Variants in UPRT observed in about 807,000 individuals in gnomAD.
The protein encoded by UPRT is uracil phosphoribosyltransferase homolog, also known as RP11-311P8.3.
Under a neutral mutation model 22.6 loss-of-function variants are expected in UPRT, and 5 were observed. The ratio of observed to expected loss-of-function variants is 0.22; its 90% CI spans 0.12 to 0.47. The LOEUF is 0.47. UPRT is among the 20% of genes least tolerant of loss of function. The pLI is 0.99. For missense variants in UPRT, 181 were observed against 239.9 expected (o/e 0.75, Z 1.62); for synonymous variants, 77 against 87.7 (o/e 0.88, Z 0.68).
intron 4 of UPRT, among the ~76,000 whole-genome samples, chrX:75,249,438 C>T (rs1210955626): frequency 9.0e-6 from 1 of 111,311 alleles, no homozygotes; most frequent in Non-Finnish European, 1.9e-5. Context: ...GATTTTAAAC[C>T]AACAAAGATC....
At chrX:75,195,613 C>G (rs926410323) in intron 4 of UPRT, among the ~76,000 whole-genome samples, 122 of 112,157 alleles carry the variant, frequency 1.1e-3, no homozygotes, top group African/African-American at 3.3e-3. Flanking sequence ...TGCCAGTAAT[C>G]CAGAGGCCTA....
chrX:75,232,643 G>GC (rs2082442851), intron 4 of UPRT, among the ~76,000 whole-genome samples: 2 of 112,254 alleles, frequency 1.8e-5, no homozygotes, highest in Non-Finnish European at 3.8e-5. Flanking sequence ...TCCCCAAGCA[G>GC]CCTAACTGGG....
At chrX:75,302,297 T>A (rs1163481051) in intron 6 of UPRT, among the ~76,000 whole-genome samples, 1 of 111,861 alleles carries the variant, frequency 8.9e-6, no homozygotes, top group Non-Finnish European at 1.9e-5. Flanking sequence ...TTGAAAATAT[T>A]GAGAGAATCC....
intron 4 of UPRT, among the ~76,000 whole-genome samples, chrX:75,183,171 C>T (rs937216324): frequency 9.1e-6 from 1 of 110,254 alleles, no homozygotes; most frequent in East Asian, 2.9e-4. Flanking sequence ...ATCCATCCCC[C>T]CTCCCCGCAC....
chrX:75,216,506 G>A (rs938772256), intron 4 of UPRT, among the ~76,000 whole-genome samples: 6 of 112,430 alleles, frequency 5.3e-5, no homozygotes, highest in Non-Finnish European at 7.5e-5. Context: ...GGTGCTGGTG[G>A]TAGCAGCCAG....
At chrX:75,262,148 G>T (rs185038643) in intron 4 of UPRT, among the ~76,000 whole-genome samples, 13 of 111,567 alleles carry the variant, frequency 1.2e-4, no homozygotes, top group Non-Finnish European at 2.1e-4. Context: ...TTAAAGAAAA[G>T]AATTTTCAAC....
In UPRT at chrX:75,236,877, A is replaced by G. The variant is rs190870285; in HGVS notation, c.-446-54147A>G. Among the ~76,000 whole-genome samples, 402 of 112,555 alleles carry G rather than the reference A, an allele frequency of 3.6e-3. 3 individuals are homozygous for G. The highest frequency in any genetic ancestry group is 0.012 in the African/African-American group (380 of 31,009). On this transcript the variant is annotated intron_variant, in intron 4 of 13. Transcript: ENST00000652605. ...GAAAACCTAGGCATTACCATTCAGG[A>G]CATAGGCATGGCAAGGACTTCATGT...
intron 4 of UPRT, among the ~76,000 whole-genome samples, chrX:75,173,088 T>C (rs1366622143): frequency 1.8e-5 from 2 of 111,348 alleles, no homozygotes; most frequent in African/African-American, 6.5e-5. Flanking sequence ...TACAAAGGTT[T>C]TCCATGTCCT....
In UPRT at chrX:75,274,419, C is replaced by T; in HGVS notation, c.165C>T (p.Tyr55=). Residue 55 remains tyrosine, a synonymous_variant, in exon 1 of 7, where the codon TAC becomes TAT. Coordinates refer to ENST00000373383, the MANE Select transcript of UPRT (RefSeq NM_145052.4). ...CCAAGGTGATTCTCCTCACGGGGTACGCCCATTCTAGCCTGCCGGCCGAGC... is the reference window on the plus strand; with the variant it reads ...CCAAGGTGATTCTCCTCACGGGGTATGCCCATTCTAGCCTGCCGGCCGAGC... The part of the protein sequence containing the change: ...SRAKVILLTG[Y]AHSSLPAELD... 1 of 1,211,348 alleles carries T rather than the reference C, an allele frequency of 8.3e-7. No homozygotes were observed.
chrX:75,260,139 C>T (rs1029466422), intron 4 of UPRT, among the ~76,000 whole-genome samples: 3 of 111,836 alleles, frequency 2.7e-5, no homozygotes, highest in Non-Finnish European at 3.8e-5. Context: ...CGGGTACCAG[C>T]CACTGCAAAA....
chrX:75,172,313 A>G (rs910313290), intron 4 of UPRT, among the ~76,000 whole-genome samples: 5 of 111,143 alleles, frequency 4.5e-5, no homozygotes, highest in African/African-American at 1.6e-4. Context: ...TTATGTTCCC[A>G]GGAGGATTAT....
At chrX:75,271,439 C>G (rs920981394), upstream of UPRT, among the ~76,000 whole-genome samples, 1 of 111,707 alleles carries the variant, frequency 9.0e-6, no homozygotes, top group East Asian at 2.8e-4. Context: ...ATTGGCTAAC[C>G]ACATGTAGGA....
chrX:75,250,589 AGT>A (rs2082525600), intron 4 of UPRT, among the ~76,000 whole-genome samples: 1 of 111,200 alleles, frequency 9.0e-6, no homozygotes, highest in African/African-American at 3.3e-5. Context: ...AACCAAAACA[AGT>A]CCAGGACCAG....
At chrX:75,172,624 G>C (rs1246667686) in intron 4 of UPRT, among the ~76,000 whole-genome samples, 1 of 111,564 alleles carries the variant, frequency 9.0e-6, no homozygotes. Flanking sequence ...CTCTTAAGGT[G>C]GTGCCTCTGG....
At chrX:75,235,872 C>G (rs1468249166) in intron 4 of UPRT, among the ~76,000 whole-genome samples, 38 of 111,813 alleles carry the variant, frequency 3.4e-4, no homozygotes, top group African/African-American at 1.1e-3. Flanking sequence ...GAAGCATTCC[C>G]TTTGAAAACT....
At chrX:75,290,291 A>T (rs1382963871) in intron 1 of UPRT, among the ~76,000 whole-genome samples, 3 of 111,214 alleles carry the variant, frequency 2.7e-5, no homozygotes, top group Non-Finnish European at 5.6e-5. Flanking sequence ...ATTATTAAAA[A>T]GTCAAAAAAC....
intron 4 of UPRT, among the ~76,000 whole-genome samples, chrX:75,205,970 C>T (rs2082365211): frequency 9.0e-6 from 1 of 111,495 alleles, no homozygotes; most frequent in African/African-American, 3.3e-5. Context: ...AAGTCCAGAC[C>T]ATGTTAACCT....
rs975261489 is a variant in UPRT at position 75,216,101 on chromosome X, A to T, written c.-447+48222A>T. ...TAGACCAATATTTTTGATGAACATAAATGCAAAAATTCTCAATAAAACATT... is the reference window on the plus strand; with the variant it reads ...TAGACCAATATTTTTGATGAACATATATGCAAAAATTCTCAATAAAACATT... On this transcript the variant is annotated intron_variant, in intron 4 of 13. Transcript: ENST00000652605. Among the ~76,000 whole-genome samples, 59 of 111,940 alleles carry T rather than the reference A, an allele frequency of 5.3e-4. 1 individual carries two copies. The highest frequency in any genetic ancestry group is 1.8e-3 in the African/African-American group (55 of 30,911).
intron 1 of UPRT, among the ~76,000 whole-genome samples, chrX:75,281,835 A>T (rs748318671): frequency 1.8e-5 from 2 of 111,223 alleles, no homozygotes; most frequent in Non-Finnish European, 3.8e-5. Context: ...TGTCAAAAGG[A>T]ATGTTTTCAA....
Sources: allele counts gnomAD v4.1 joint callset (sites outside exome capture counted in the v4.1 genomes callset), GRCh38; gene constraint gnomAD v4.1.1; transcripts MANE v1.5; gene names NCBI Gene and HGNC (gene_info 2026-07-23, HGNC 2026-07-21).